Variants in RIPK2 observed in about 807,000 individuals in gnomAD.
RIPK2 encodes receptor-interacting serine/threonine-protein kinase 2.
A neutral mutation model predicts 60.9 loss-of-function variants in RIPK2; 38 were observed. The ratio of observed to expected loss-of-function variants is 0.62; its 90% CI spans 0.48 to 0.82. The LOEUF (loss-of-function observed/expected upper bound fraction) is 0.82. Among genes scored for constraint, RIPK2 ranks in the 40% least tolerant of loss-of-function variants. RIPK2 has a pLI of 0.00. For synonymous variants in RIPK2, 225 were observed against 223.4 expected, an observed-to-expected ratio of 1.01 and a Z score of -0.06; for missense variants, 518 against 647.0, an observed-to-expected ratio of 0.80 and a Z score of 2.16.
rs1434438628 is a variant in RIPK2 at position 89,770,148 on chromosome 8, C to G, written c.641+219C>G. On this transcript the variant is annotated intron_variant, in intron 4 of 10. Coordinates refer to ENST00000220751, the MANE Select transcript of RIPK2 (RefSeq NM_003821.6). ...TTACATCCTTTAAGAAATTTTAAAG[C>G]ATCTCTTCTTATCCTATCAATTTAT... 2.0e-5 allele frequency among the ~76,000 whole-genome samples: 3 copies of G among 151,900 alleles called. No individual in the cohort carries two copies. In the East Asian group the frequency reaches 5.8e-4, roughly 29 times the overall value.
intron 9 of RIPK2, 128 bp from the exon 10 acceptor site, chr8:89,789,193 C>G: frequency 1.4e-6 from 1 of 724,838 alleles, no homozygotes; most frequent in Non-Finnish European, 2.3e-6. Flanking sequence ...GGTTTCTGAA[C>G]CAGCCTTAAT....
chr8:89,760,004 A>G (rs1300162790), intron 1 of RIPK2, among the ~76,000 whole-genome samples: 2 of 152,228 alleles, frequency 1.3e-5, no homozygotes, highest in Non-Finnish European at 2.9e-5. Context: ...CGAGGAAGCC[A>G]TAAGACCAGC....
At chr8:89,767,874 C>T (rs1563611583) in intron 3 of RIPK2, among the ~76,000 whole-genome samples, 1 of 151,786 alleles carries the variant, frequency 6.6e-6, no homozygotes, top group Non-Finnish European at 1.5e-5. Context: ...TTATCCATCT[C>T]CCTGATAAAT....
At chr8:89,789,171 C>A (rs145678661) in intron 9 of RIPK2, 150 bp from the exon 10 acceptor site, 112 of 597,340 alleles carry the variant, frequency 1.9e-4, no homozygotes, top group Middle Eastern at 1.7e-3. Context: ...GAAATATCTA[C>A]TTGCAGAATT....
In RIPK2 at chr8:89,790,179, C is replaced by T. The variant is rs1809653617; in HGVS notation, c.1386C>T (p.Ala462=). 7 of 1,613,942 alleles carry T rather than the reference C, an allele frequency of 4.3e-6. No individual in the cohort carries two copies. The East Asian group carries it at 6.7e-5, about 15-fold the overall frequency. Residue 462 remains alanine, a synonymous_variant, in exon 11 of 11, where the codon GCC becomes GCT. Transcript: ENST00000220751. ...TEACLNQSLD[A]LLSRDLIMKE... ...CCTGCCTTAACCAGTCGCTAGATGC[C>T]CTTCTGTCCAGGGACTTGATCATGA... is the stretch of plus-strand genomic sequence containing the variant.
At chr8:89,784,858 A>G (rs1280458339) in intron 8 of RIPK2, among the ~76,000 whole-genome samples, 1 of 152,216 alleles carries the variant, frequency 6.6e-6, no homozygotes, top group East Asian at 1.9e-4. Context: ...TGAGGACCTT[A>G]GGCCGCTTGC....
chr8:89,781,191 G>C (rs559025457), intron 7 of RIPK2, among the ~76,000 whole-genome samples: 2 of 151,840 alleles, frequency 1.3e-5, no homozygotes, highest in Non-Finnish European at 2.9e-5. Context: ...TGGGTTGCTG[G>C]ATCTAGTGAC....
intron 3 of RIPK2, 119 bp from the exon 4 acceptor site, chr8:89,769,653 A>G: frequency 1.6e-6 from 1 of 641,562 alleles, no homozygotes. Context: ...ATAAAATATT[A>G]AAATATATTA....
At chr8:89,768,652 G>A (rs1809266251) in intron 3 of RIPK2, among the ~76,000 whole-genome samples, 1 of 151,232 alleles carries the variant, frequency 6.6e-6, no homozygotes, top group South Asian at 2.1e-4. Context: ...AGTCATCTTG[G>A]TCCTTTTCTG....
intron 8 of RIPK2, 75 bp from the exon 9 acceptor site, chr8:89,786,518 C>T (rs1809589689): frequency 1.1e-6 from 1 of 883,830 alleles, no homozygotes; most frequent in Non-Finnish European, 1.8e-6. Context: ...TGATAAGCCA[C>T]AAACAAGAAC....
chr8:89,783,490 T>C (rs1809533779), intron 7 of RIPK2, among the ~76,000 whole-genome samples: 1 of 152,200 alleles, frequency 6.6e-6, no homozygotes, highest in South Asian at 2.1e-4. Flanking sequence ...AAATCTAATG[T>C]CTCACGTCAA....
At chr8:89,758,924 G>A (rs1201412180) in intron 1 of RIPK2, among the ~76,000 whole-genome samples, 1 of 152,042 alleles carries the variant, frequency 6.6e-6, no homozygotes, top group Non-Finnish European at 1.5e-5. Context: ...ATTGTATGTG[G>A]TGGTGTTCAC....
chr8:89,758,895 G>A (rs530663873), intron 1 of RIPK2, among the ~76,000 whole-genome samples: 4 of 152,130 alleles, frequency 2.6e-5, no homozygotes, highest in Admixed American at 2.0e-4. Context: ...TACTTTATGT[G>A]GCCACGAGAA....
intron 3 of RIPK2, 131 bp from the exon 4 acceptor site, chr8:89,769,641 A>G: frequency 1.7e-6 from 1 of 589,180 alleles, no homozygotes; most frequent in Non-Finnish European, 2.7e-6. Flanking sequence ...GAATATACAG[A>G]AATAAAATAT....
chr8:89,760,386 G>T (rs1002311797), intron 1 of RIPK2, among the ~76,000 whole-genome samples: 1 of 152,098 alleles, frequency 6.6e-6, no homozygotes, highest in Non-Finnish European at 1.5e-5. Flanking sequence ...CCCTGTAGAT[G>T]ACATAACTTT....
At chr8:89,770,305 GATAA>G (rs1411092115) in intron 4 of RIPK2, among the ~76,000 whole-genome samples, 1 of 151,610 alleles carries the variant, frequency 6.6e-6, no homozygotes, top group African/African-American at 2.4e-5. Context: ...TATCTTTTTA[GATAA>G]ATAGACAAAC....
intron 6 of RIPK2, among the ~76,000 whole-genome samples, chr8:89,779,251 T>C (rs1453841620): frequency 6.6e-6 from 1 of 151,848 alleles, no homozygotes; most frequent in Non-Finnish European, 1.5e-5. Context: ...TTCTTAATAC[T>C]GTCTTGAAGT....
chr8:89,764,614 T>C (rs1809196709), intron 2 of RIPK2, among the ~76,000 whole-genome samples: 1 of 152,158 alleles, frequency 6.6e-6, no homozygotes, highest in Non-Finnish European at 1.5e-5. Flanking sequence ...AAAACATTTA[T>C]TTTAAGAAAA....
chr8:89,758,081 C>G lies in RIPK2; in HGVS notation c.21C>G (p.Cys7Trp), dbSNP rs891468710. 3.1e-6 allele frequency: 5 copies of G among 1,604,426 alleles called. No individual in the cohort carries two copies. In the South Asian group the frequency reaches 3.3e-5, roughly 11 times the overall value. The change falls in exon 1 of 11, where the codon TGC (cysteine) becomes TGG (tryptophan). Residue 7 changes from cysteine (C) to tryptophan (W), a missense_variant. This residue lies in a region of RIPK2 where 448 missense variants were observed against 534.7 expected (regional missense o/e 0.84). Coordinates refer to ENST00000220751, the MANE Select transcript of RIPK2 (RefSeq NM_003821.6). ...GGACCATGAACGGGGAGGCCATCTGCAGCGCCCTGCCCACCATTCCCTACC... is the reference window on the plus strand; with the variant it reads ...GGACCATGAACGGGGAGGCCATCTGGAGCGCCCTGCCCACCATTCCCTACC... Reference protein sequence around the residue: MNGEAICSALPTIPYHK... With the variant: MNGEAIWSALPTIPYHK...
Sources: gnomAD v4.1 joint callset for allele counts (sites outside exome capture counted in the v4.1 genomes callset) on GRCh38, gnomAD v4.1.1 for gene constraint, gnomAD v4.1.1 regional missense constraint, MANE v1.5 for transcripts, NCBI Gene and HGNC (gene_info 2026-07-23, HGNC 2026-07-21) for gene names.